The following SVOP variants were observed in gnomAD, a reference collection of about 807,000 sequenced individuals.
SVOP encodes the protein SV2 related protein, also known as synaptic vesicle 2-related protein.
SVOP carries 17 observed loss-of-function variants against 69.1 expected under a neutral mutation model. That is an observed-to-expected ratio of 0.25 (90% CI 0.17 to 0.37). The LOEUF is 0.37. Among genes scored for constraint, SVOP ranks in the 10% least tolerant of loss-of-function variants. The probability of loss-of-function intolerance (pLI) is 1.00; values close to 1 mark genes in which losing one functional copy is unlikely to be tolerated. For missense variants in SVOP, 435 were observed against 597.5 expected (o/e 0.73, Z 2.84); for synonymous variants, 238 against 238.6 (o/e 1.00, Z 0.02).
rs141506193 is a variant in SVOP at position 108,944,938 on chromosome 12, C to T, written c.642+165G>A. Among the ~76,000 whole-genome samples, 472 of 152,256 alleles carry T rather than the reference C, an allele frequency of 3.1e-3. 7 individuals are homozygous for T. Among genetic ancestry groups the T allele is most frequent in the African/African-American group, 0.011 (438 of 41,536 alleles). On this transcript the variant is annotated intron_variant, in intron 7 of 15. Coordinates refer to ENST00000610966, the MANE Select transcript of SVOP (RefSeq NM_018711.5). ...TGAAGAATTTGTCCTTATTGCAAAA[C>T]GGGCATGTCAGAAATGATGTAACTG...
intron 2 of SVOP, among the ~76,000 whole-genome samples, chr12:108,980,719 C>T (rs967084401): frequency 3.9e-5 from 4 of 102,556 alleles, no homozygotes; most frequent in African/African-American, 1.3e-4. Flanking sequence ...CACTGCAGTC[C>T]GCAGTCTGGC....
At chr12:108,964,732 TC>T (rs2040035306) in intron 5 of SVOP, among the ~76,000 whole-genome samples, 2 of 152,158 alleles carry the variant, frequency 1.3e-5, no homozygotes, top group South Asian at 4.2e-4. Flanking sequence ...TTTGGGCTTT[TC>T]ATTAACTATG....
At chr12:109,009,786 A>G (rs962862923) in intron 1 of SVOP, among the ~76,000 whole-genome samples, 1 of 152,098 alleles carries the variant, frequency 6.6e-6, no homozygotes, top group African/African-American at 2.4e-5. Flanking sequence ...GACAGCTTTG[A>G]TGGTCACAAC....
At chr12:108,992,994 G>A (rs977164775) in intron 1 of SVOP, among the ~76,000 whole-genome samples, 2 of 152,090 alleles carry the variant, frequency 1.3e-5, no homozygotes, top group Admixed American at 1.3e-4. Context: ...ACTGCTTGAG[G>A]CCAGGACTTC....
chr12:108,950,771 G>A (rs138170217), intron 6 of SVOP, among the ~76,000 whole-genome samples: 149 of 152,252 alleles, frequency 9.8e-4, no homozygotes, highest in African/African-American at 3.4e-3. Context: ...GAATGCTTAG[G>A]TTGTGTTCAA....
intron 6 of SVOP, among the ~76,000 whole-genome samples, chr12:108,952,016 C>T (rs2039957748): frequency 6.6e-6 from 1 of 152,096 alleles, no homozygotes; most frequent in Non-Finnish European, 1.5e-5. Context: ...CTGCCTTTGA[C>T]CCCTGTTCAG....
chr12:108,966,173 C>A (rs901339728), intron 5 of SVOP, among the ~76,000 whole-genome samples: 2 of 152,092 alleles, frequency 1.3e-5, no homozygotes, highest in Non-Finnish European at 2.9e-5. Flanking sequence ...GCTACATTTT[C>A]TTATTTAATC....
At position 108,908,705 on chromosome 12, in the gene SVOP, G is replaced by A. The variant is rs924821818; in HGVS notation, c.*3830C>T. The A allele has an allele frequency of 1.3e-5, 2 of 152,122 alleles. No homozygotes were observed. The highest frequency in any genetic ancestry group is 1.5e-5 in the Non-Finnish European group (1 of 68,032). The allele number at this position is 152,122 out of a possible 1,614,324, so 9.4% of individuals were successfully genotyped here. A position where few individuals can be genotyped will look rare whatever the true frequency, so the allele number is the denominator to read the frequency against. ...GAGTAGAATTTCTGTTCCTGGCCAC[G>A]AAAACAGTGCTGATGAGAGCTCTGT... On this transcript the variant is annotated 3_prime_UTR_variant, in exon 16 of 16. Transcript: ENST00000610966.
At chr12:108,921,545 G>A (rs1402261621) in intron 12 of SVOP, among the ~76,000 whole-genome samples, 1 of 152,132 alleles carries the variant, frequency 6.6e-6, no homozygotes, top group East Asian at 1.9e-4. Context: ...TCCACTGGGG[G>A]ACTCAAAAGC....
chr12:108,963,812 A>C (rs959361885), intron 5 of SVOP, among the ~76,000 whole-genome samples: 4 of 152,200 alleles, frequency 2.6e-5, no homozygotes, highest in African/African-American at 9.6e-5. Context: ...CAGCCAACAC[A>C]TTTTAAAAAA....
At chr12:109,011,005 C>G (rs1325565403) in intron 1 of SVOP, among the ~76,000 whole-genome samples, 1 of 151,862 alleles carries the variant, frequency 6.6e-6, no homozygotes, top group Non-Finnish European at 1.5e-5. Flanking sequence ...ACCTCTGCCT[C>G]CTGGTTTCAA....
chr12:108,992,045 G>A (rs768750635), intron 1 of SVOP, among the ~76,000 whole-genome samples: 1 of 152,088 alleles, frequency 6.6e-6, no homozygotes, highest in African/African-American at 2.4e-5. Context: ...AGCGGTGTGC[G>A]TATAAACTGG....
At chr12:108,998,543 G>A (rs2040249453) in intron 1 of SVOP, among the ~76,000 whole-genome samples, 1 of 152,042 alleles carries the variant, frequency 6.6e-6, no homozygotes, top group South Asian at 2.1e-4. Flanking sequence ...AGGAAAAAAT[G>A]TTAAGGGCAG....
chr12:108,922,807 G>C lies in SVOP; in HGVS notation c.1049-10C>G. On this transcript the variant is annotated splice_polypyrimidine_tract_variant and intron_variant, in intron 11 of 15. Coordinates refer to ENST00000610966, the MANE Select transcript of SVOP (RefSeq NM_018711.5). Reference sequence around the variant, plus strand: ...TTCTTCCGACTGGAGACTGGGGTTGGGAGAGAGAAAGAGAGGGGGAGACAT... The same window carrying C: ...TTCTTCCGACTGGAGACTGGGGTTGCGAGAGAGAAAGAGAGGGGGAGACAT... 6.3e-7 allele frequency: 1 copy of C among 1,589,772 alleles called. No homozygotes were observed. Among genetic ancestry groups the C allele is most frequent in the Non-Finnish European group, 8.6e-7 (1 of 1,166,076 alleles).
chr12:108,936,327 G>C (rs559995047), intron 10 of SVOP, among the ~76,000 whole-genome samples: 1 of 152,346 alleles, frequency 6.6e-6, no homozygotes, highest in East Asian at 1.9e-4. Flanking sequence ...TTACAGGCAT[G>C]AGACACCACA....
At chr12:108,981,442 G>C (rs1370843937) in intron 2 of SVOP, among the ~76,000 whole-genome samples, 7 of 152,144 alleles carry the variant, frequency 4.6e-5, no homozygotes, top group Non-Finnish European at 1.0e-4. Flanking sequence ...TTTGGAATCT[G>C]AGGCTTTTCA....
intron 1 of SVOP, among the ~76,000 whole-genome samples, chr12:108,989,149 A>G (rs1334852108): frequency 6.6e-6 from 1 of 151,566 alleles, no homozygotes; most frequent in Non-Finnish European, 1.5e-5. Flanking sequence ...AGCTCCCTAC[A>G]GCCTCAAACT....
At chr12:109,016,718 TTCCTTA>T (rs1427101724) in intron 1 of SVOP, among the ~76,000 whole-genome samples, 1 of 151,372 alleles carries the variant, frequency 6.6e-6, no homozygotes, top group Non-Finnish European at 1.5e-5. Context: ...TAAAACTAGT[TTCCTTA>T]CCTGTACCCT....
chr12:108,943,192 A>G lies in SVOP; in HGVS notation c.642+1911T>C, dbSNP rs189645533. On this transcript the variant is annotated intron_variant, in intron 7 of 15. Coordinates refer to ENST00000610966, the MANE Select transcript of SVOP (RefSeq NM_018711.5). ...CTCCCTATTTGTTCTGGAGCCCCCA[A>G]GAACCTTCCAAAGTCCCCTTTTGCT... Among the ~76,000 whole-genome samples, 344 of 152,294 alleles carry G rather than the reference A, an allele frequency of 2.3e-3. 2 individuals are homozygous for G. The highest frequency in any genetic ancestry group is 7.5e-3 in the African/African-American group (310 of 41,568).
Sources: gnomAD v4.1 joint callset for allele counts (sites outside exome capture counted in the v4.1 genomes callset) on GRCh38, gnomAD v4.1.1 for gene constraint, MANE v1.5 for transcripts, NCBI Gene and HGNC (gene_info 2026-07-23, HGNC 2026-07-21) for gene names.